The following MPP4 variants were observed in gnomAD, a reference collection of about 807,000 sequenced individuals.
MPP4 encodes MAGUK p55 subfamily member 4.
A neutral mutation model predicts 98.3 loss-of-function variants in MPP4; 91 were observed. The ratio of observed to expected loss-of-function variants is 0.93; its 90% CI spans 0.78 to 1.10. MPP4 has a LOEUF of 1.10. Among genes scored for constraint, MPP4 ranks in the 50% least tolerant of loss-of-function variants. The pLI is 0.00. For missense variants in MPP4, 744 were observed against 792.9 expected (o/e 0.94, Z 0.74); for synonymous variants, 261 against 271.8 (o/e 0.96, Z 0.39).
chr2:201,697,939 T>C, intron 1 of MPP4: 1 of 985,460 alleles, frequency 1.0e-6, no homozygotes, highest in Non-Finnish European at 1.2e-6. Context: ...TACCTTCCTT[T>C]CCATGACTTC....
intron 13 of MPP4, chr2:201,664,975 A>T (rs943326967): frequency 3.0e-5 from 5 of 167,002 alleles, no homozygotes; most frequent in Admixed American, 6.6e-5. Flanking sequence ...AACAGTGTGC[A>T]TATCTTGCTA....
At chr2:201,664,482 G>A in intron 13 of MPP4, 2 of 673,488 alleles carry the variant, frequency 3.0e-6, no homozygotes, top group Non-Finnish European at 4.3e-6. Flanking sequence ...CGATGTAGGA[G>A]GGGTGCACCC....
chr2:201,698,084 T>C, intron 1 of MPP4: 1 of 989,668 alleles, frequency 1.0e-6, no homozygotes, highest in Non-Finnish European at 1.2e-6. Context: ...TAGCCAGTTC[T>C]TGACTCAGAA....
At chr2:201,683,162 C>A (rs1688711020) in intron 7 of MPP4, among the ~76,000 whole-genome samples, 2 of 152,114 alleles carry the variant, frequency 1.3e-5, no homozygotes, top group African/African-American at 4.8e-5. Flanking sequence ...TTTATTTTTG[C>A]TAGTCTGATG....
Position 201,646,047 on chromosome 2 carries a change from C to T in MPP4, c.1720-643G>A, listed in dbSNP as rs192203324. ...TGAGGTCCAATAAATGTCTTCTAAACTACAAAACTTATGTTTTAATCTTTA... is the reference window on the plus strand; with the variant it reads ...TGAGGTCCAATAAATGTCTTCTAAATTACAAAACTTATGTTTTAATCTTTA... On this transcript the variant is annotated intron_variant, in intron 21 of 21. Transcript: ENST00000409474. 4.1e-4 allele frequency among the ~76,000 whole-genome samples: 62 copies of T among 152,182 alleles called. No homozygotes were observed. The East Asian group carries it at 9.6e-3, about 24-fold the overall frequency.
intron 10 of MPP4, among the ~76,000 whole-genome samples, chr2:201,676,076 T>G (rs988551185): frequency 3.3e-5 from 5 of 152,166 alleles, no homozygotes; most frequent in African/African-American, 1.2e-4. Context: ...AAGCTCTAAT[T>G]TAATCTCTCA....
rs561994599 is a variant in MPP4, at chr2:201,682,357, G to A, written c.660+474C>T. On this transcript the variant is annotated intron_variant, in intron 8 of 21. Transcript: ENST00000409474. ...TCTAAGCCACTGCTATGAAATCCTGGCAGGAACCCAGTTTGAGAACCACTG... is the reference window on the plus strand; with the variant it reads ...TCTAAGCCACTGCTATGAAATCCTGACAGGAACCCAGTTTGAGAACCACTG... Among the ~76,000 whole-genome samples, 6 of 152,258 alleles carry A rather than the reference G, an allele frequency of 3.9e-5. No homozygotes were observed. The East Asian group carries it at 9.7e-4, about 25-fold the overall frequency.
At chr2:201,674,911 G>A (rs75281044) in intron 11 of MPP4, among the ~76,000 whole-genome samples, 5,982 of 152,034 alleles carry the variant, frequency 0.039, 149 homozygotes, top group Middle Eastern at 0.11. Flanking sequence ...AATGGCTCCT[G>A]TGGCTCCACC....
intron 7 of MPP4, among the ~76,000 whole-genome samples, chr2:201,684,048 T>C (rs1688742890): frequency 6.6e-6 from 1 of 151,534 alleles, no homozygotes; most frequent in Non-Finnish European, 1.5e-5. Flanking sequence ...AGTGAGACCC[T>C]ATCTAAACAT....
intron 10 of MPP4, among the ~76,000 whole-genome samples, chr2:201,675,566 G>A (rs558161013): frequency 3.3e-5 from 5 of 152,268 alleles, no homozygotes; most frequent in East Asian, 1.9e-4. Flanking sequence ...TAAATGACCC[G>A]TGGTAAGCTG....
intron 3 of MPP4, among the ~76,000 whole-genome samples, chr2:201,691,449 C>T (rs1249146453): frequency 6.6e-6 from 1 of 152,004 alleles, no homozygotes; most frequent in African/African-American, 2.4e-5. Flanking sequence ...TTTCTACTAT[C>T]TATTAGACGC....
At chr2:201,677,898 G>C (rs1421557147) in intron 10 of MPP4, among the ~76,000 whole-genome samples, 1 of 152,108 alleles carries the variant, frequency 6.6e-6, no homozygotes, top group Non-Finnish European at 1.5e-5. Context: ...GCCCGCGCTC[G>C]GGGCAGGCCT....
chr2:201,659,344 C>T (rs1480246878), intron 15 of MPP4, among the ~76,000 whole-genome samples: 1 of 152,078 alleles, frequency 6.6e-6, no homozygotes, highest in East Asian at 1.9e-4. Context: ...TTCTGACTGG[C>T]CAGGACTCTG....
At chr2:201,650,815 C>T in intron 18 of MPP4, 1 of 985,284 alleles carries the variant, frequency 1.0e-6, no homozygotes, top group Non-Finnish European at 1.2e-6. Context: ...TTAGGGATCT[C>T]TAGGAGGGAA....
Position 201,649,613 on chromosome 2 carries a change from A to T in MPP4, c.1547T>A (p.Val516Asp). The T allele has an allele frequency of 6.2e-7, 1 of 1,609,256 alleles. No homozygotes were observed. The highest frequency in any genetic ancestry group is 8.5e-7 in the Non-Finnish European group (1 of 1,177,842). Residue 516 changes from valine (V) to aspartate (D), a missense_variant, in exon 20 of 22, where the codon GTC becomes GAC. Physicochemically the swap from Val to Asp is radical, Grantham distance 152. Coordinates refer to ENST00000409474, the MANE Select transcript of MPP4 (RefSeq NM_033066.3). ...GTCCATGACACAGATCTTTCCTTCGACAAGGACTGTTTGAACAGCATCCAC... is the reference window on the plus strand; with the variant it reads ...GTCCATGACACAGATCTTTCCTTCGTCAAGGACTGTTTGAACAGCATCCAC... The part of the protein sequence containing the change: ...TSVDAVQTVL[V>D]EGKICVMDLE...
In MPP4 at chr2:201,682,879, A is replaced by G. The variant is rs368811557; in HGVS notation, c.612T>C (p.Asn204=). 1 of 1,614,040 alleles carries G rather than the reference A, an allele frequency of 6.2e-7. No individual in the cohort carries two copies. The highest frequency in any genetic ancestry group is 8.5e-7 in the Non-Finnish European group (1 of 1,179,882). Reference sequence around the variant, plus strand: ...GGTCCAGTCCCTCAACTGAAACTCCATTCACTTCTACCAGTTTGTCTCCAG... The same window carrying G: ...GGTCCAGTCCCTCAACTGAAACTCCGTTCACTTCTACCAGTTTGTCTCCAG... ...LYAGDKLVEV[N]GVSVEGLDPE... is the part of the protein sequence containing the mutation. Residue 204 remains asparagine, a synonymous_variant, in exon 8 of 22, where the codon AAT becomes AAC. Coordinates refer to ENST00000409474, the MANE Select transcript of MPP4 (RefSeq NM_033066.3).
At chr2:201,647,941 A>G in intron 20 of MPP4, 116 bp from the exon 21 acceptor site, 2 of 1,024,702 alleles carry the variant, frequency 2.0e-6, no homozygotes, top group Non-Finnish European at 1.4e-6. Context: ...CTGTAGCCTC[A>G]GCTTCCCAGG....
intron 14 of MPP4, 79 bp downstream of exon 14, chr2:201,664,002 T>C: frequency 9.3e-7 from 1 of 1,078,182 alleles, no homozygotes; most frequent in Non-Finnish European, 1.3e-6. Flanking sequence ...AAACAGTTAT[T>C]ATAAATATGT....
chr2:201,692,236 A>C (rs895525279), intron 3 of MPP4, among the ~76,000 whole-genome samples: 1 of 152,182 alleles, frequency 6.6e-6, no homozygotes, highest in Non-Finnish European at 1.5e-5. Context: ...CAAAATGCAT[A>C]TGTGATGATA....
Sources: allele counts gnomAD v4.1 joint callset (sites outside exome capture counted in the v4.1 genomes callset), GRCh38; gene constraint gnomAD v4.1.1; transcripts MANE v1.5; gene names NCBI Gene and HGNC (gene_info 2026-07-23, HGNC 2026-07-21).